Variants in LMO7 observed in about 807,000 individuals in gnomAD.
The protein encoded by LMO7 is LIM domain 7.
In LMO7, 120 loss-of-function variants were observed where a neutral mutation model predicts 206.5. The observed-to-expected ratio is 0.58, with a 90% CI of 0.50 to 0.68. The LOEUF is 0.68. LMO7 is among the 30% of genes least tolerant of loss of function. The probability of loss-of-function intolerance (pLI) is 0.00; values close to 1 mark genes in which losing one functional copy is unlikely to be tolerated. For synonymous variants in LMO7, 706 were observed against 681.5 expected (o/e 1.04, Z -0.56); for missense variants, 1,959 against 1,957.9 (o/e 1.00, Z -0.01).
upstream of LMO7, among the ~76,000 whole-genome samples, chr13:75,633,219 A>G (rs1341287802): frequency 6.6e-6 from 1 of 152,134 alleles, no homozygotes; most frequent in East Asian, 1.9e-4. Flanking sequence ...ATTTTCTTTC[A>G]TCATTCCATT....
At chr13:75,661,470 T>C (rs1003339079) in intron 1 of LMO7, among the ~76,000 whole-genome samples, 2 of 151,938 alleles carry the variant, frequency 1.3e-5, no homozygotes, top group Non-Finnish European at 2.9e-5. Flanking sequence ...CTTCAGGGGG[T>C]TCAGAGGATG....
At chr13:75,726,234 T>G (rs1429717961) in intron 2 of LMO7, among the ~76,000 whole-genome samples, 2 of 152,006 alleles carry the variant, frequency 1.3e-5, no homozygotes, top group Non-Finnish European at 2.9e-5. Flanking sequence ...CTACGCAACC[T>G]GGCACAGTGT....
chr13:75,823,744 C>T lies in LMO7; in HGVS notation c.2820C>T (p.Pro940=), dbSNP rs1272625018. 1 of 1,614,144 alleles carries T rather than the reference C, an allele frequency of 6.2e-7. No homozygotes were observed. Among genetic ancestry groups the T allele is most frequent in the Non-Finnish European group, 8.5e-7 (1 of 1,180,004 alleles). Residue 940 remains proline (P), a synonymous_variant, in exon 15 of 31, where the codon CCC becomes CCT. Transcript: ENST00000377534. ...CAAGGCTGCCCTCTCCTACATCCCC[C>T]TTCTCATCTCTTTCCCAAGACCAGG... The part of the protein sequence containing the change: ...DVTRLPSPTS[P]FSSLSQDQAA...
chr13:75,708,349 G>A (rs973912311), intron 1 of LMO7, among the ~76,000 whole-genome samples: 2 of 152,162 alleles, frequency 1.3e-5, no homozygotes, highest in South Asian at 2.1e-4. Flanking sequence ...CTGCCCTCTT[G>A]ATTGGCCCTT....
intron 2 of LMO7, among the ~76,000 whole-genome samples, chr13:75,720,695 A>G (rs1242114794): frequency 3.3e-5 from 5 of 152,240 alleles, no homozygotes; most frequent in African/African-American, 1.2e-4. Context: ...CAGTGAGGCT[A>G]TATAATAAAG....
chr13:75,797,071 A>G (rs1485229097), intron 6 of LMO7, among the ~76,000 whole-genome samples: 1 of 152,186 alleles, frequency 6.6e-6, no homozygotes, highest in Non-Finnish European at 1.5e-5. Context: ...AAGTATTGCT[A>G]TACTCATCGT....
chr13:75,690,065 T>C (rs1366099339), intron 1 of LMO7, among the ~76,000 whole-genome samples: 11 of 148,902 alleles, frequency 7.4e-5, no homozygotes, highest in Admixed American at 6.7e-4. Flanking sequence ...GAGCCCTCCT[T>C]TTTTTTTTTT....
chr13:75,666,575 A>G (rs1266193253), intron 1 of LMO7, among the ~76,000 whole-genome samples: 4 of 152,148 alleles, frequency 2.6e-5, no homozygotes, highest in African/African-American at 9.7e-5. Flanking sequence ...TTCCCCTGAA[A>G]TGATTCTCCC....
chr13:75,848,583 A>G (rs117519733), intron 26 of LMO7, among the ~76,000 whole-genome samples: 1,830 of 150,402 alleles, frequency 0.012, 54 homozygotes, highest in East Asian at 0.1. Flanking sequence ...TATCTTTTTC[A>G]TATAATGGCA....
intron 8 of LMO7, chr13:75,804,806 T>C: frequency 8.7e-7 from 1 of 1,149,488 alleles, no homozygotes; most frequent in Non-Finnish European, 1.1e-6. Context: ...TACCAGATAA[T>C]TTGTATTGTT....
chr13:75,804,207 A>G, intron 7 of LMO7, 82 bp from the exon 8 acceptor site: 1 of 1,413,630 alleles, frequency 7.1e-7, no homozygotes, highest in Non-Finnish European at 9.6e-7. Flanking sequence ...TTCTAAGGGA[A>G]AGACAAAGCA....
chr13:75,752,888 A>T (rs1225008958), intron 3 of LMO7, among the ~76,000 whole-genome samples: 1 of 152,344 alleles, frequency 6.6e-6, no homozygotes, highest in Admixed American at 6.5e-5. Flanking sequence ...GTGCTGCAGA[A>T]AACATACAAG....
intron 1 of LMO7, among the ~76,000 whole-genome samples, chr13:75,677,353 A>C (rs1206976004): frequency 6.6e-6 from 1 of 152,230 alleles, no homozygotes; most frequent in Non-Finnish European, 1.5e-5. Flanking sequence ...AGTAAACTGA[A>C]GATCTGTCAT....
intron 27 of LMO7, among the ~76,000 whole-genome samples, chr13:75,850,153 T>C (rs1017027403): frequency 1.3e-5 from 2 of 152,048 alleles, no homozygotes; most frequent in African/African-American, 4.8e-5. Flanking sequence ...TATGAACAGA[T>C]AGTTCGTAGG....
intron 1 of LMO7, among the ~76,000 whole-genome samples, chr13:75,685,890 C>CTTTTT (rs551370410): frequency 6.6e-5 from 7 of 105,958 alleles, no homozygotes; most frequent in Non-Finnish European, 9.5e-5. Flanking sequence ...TTTTCTTTCT[C>CTTTTT]TTTTTTTTTT....
intron 1 of LMO7, among the ~76,000 whole-genome samples, chr13:75,675,073 T>C (rs1167830439): frequency 8.1e-6 from 1 of 123,018 alleles, no homozygotes; most frequent in Non-Finnish European, 2.0e-5. Context: ...TTCTTTTTCT[T>C]TTCTTTTTTC....
chr13:75,808,009 A>T lies in LMO7; in HGVS notation c.1726A>T (p.Ile576Leu). The T allele has an allele frequency of 6.2e-7, 1 of 1,613,972 alleles. No homozygotes were observed. The highest frequency in any genetic ancestry group is 8.5e-7 in the Non-Finnish European group (1 of 1,179,872). The change falls in exon 10 of 31, where the codon ATA becomes TTA. Residue 576 changes from isoleucine (I) to leucine (L), a missense_variant. Transcript: ENST00000377534. ...PSKEKSNSCR[I>L]LVPSYRQKKD... Reference sequence around the variant, plus strand: ...CAAAGAAAAAAGTAATAGCTGTAGAATATTAGTTCCTTCATATCGGCAGAA... The same window carrying T: ...CAAAGAAAAAAGTAATAGCTGTAGATTATTAGTTCCTTCATATCGGCAGAA...
chr13:75,813,410 G>C (rs913393601), intron 11 of LMO7, among the ~76,000 whole-genome samples: 1 of 152,152 alleles, frequency 6.6e-6, no homozygotes, highest in African/African-American at 2.4e-5. Context: ...TCCTCACTTA[G>C]CAGGTGAGAA....
At chr13:75,801,005 G>A (rs2054654219) in intron 7 of LMO7, 123 bp downstream of exon 7, 1 of 817,794 alleles carries the variant, frequency 1.2e-6, no homozygotes. Flanking sequence ...GATTTTCATA[G>A]AGACTGGAGT....
Sources: gnomAD v4.1 joint callset for allele counts (sites outside exome capture counted in the v4.1 genomes callset) on GRCh38, gnomAD v4.1.1 for gene constraint, MANE v1.5 for transcripts, NCBI Gene and HGNC (gene_info 2026-07-23, HGNC 2026-07-21) for gene names.